LRRC15: variants seen among roughly 807,000 people sequenced by gnomAD.
The protein encoded by LRRC15 is leucine rich repeat containing 15.
A neutral mutation model predicts 4.3 loss-of-function variants in LRRC15; 5 were observed. The observed-to-expected ratio is 1.16, with a 90% CI of 0.61 to 2.44. LRRC15 has a LOEUF of 2.44. Ranked by LOEUF, LRRC15 falls within the 30% of genes most tolerant of loss-of-function variation. The pLI, the probability that LRRC15 is intolerant of heterozygous loss-of-function variation, is 0.01. For synonymous variants in LRRC15, 337 were observed against 323.2 expected (o/e 1.04, Z -0.46); for missense variants, 769 against 747.0 (o/e 1.03, Z -0.34).
chr3:194,367,587 T>G (rs1297879239), intron 1 of LRRC15, among the ~76,000 whole-genome samples: 4 of 152,206 alleles, frequency 2.6e-5, no homozygotes, highest in African/African-American at 9.6e-5. Context: ...ATTACAGGCG[T>G]GAGCCACCGC....
In LRRC15 at chr3:194,356,460, A is replaced by T. The variant is rs1398601413; in HGVS notation, c.*2838T>A. On this transcript the variant is annotated 3_prime_UTR_variant, in exon 2 of 2. Coordinates refer to ENST00000347624, the MANE Select transcript of LRRC15 (RefSeq NM_130830.5). ...CAAATGCATCATCCTGTTGGAAAGG[A>T]GACTCCACTCAGCTTTTCTAGTAGC... The T allele has an allele frequency of 6.6e-6, 1 of 152,208 alleles. No individual in the cohort carries two copies. The highest frequency in any genetic ancestry group is 1.9e-4 in the East Asian group (1 of 5,202). The allele number at this position is 152,208 out of a possible 1,614,324, so 9.4% of individuals were successfully genotyped here.
chr3:194,368,900 C>T (rs1469844235), intron 1 of LRRC15, among the ~76,000 whole-genome samples: 1 of 152,208 alleles, frequency 6.6e-6, no homozygotes, highest in Non-Finnish European at 1.5e-5. Flanking sequence ...CCACATACCA[C>T]CTCATCACAA....
intron 1 of LRRC15, among the ~76,000 whole-genome samples, chr3:194,366,174 C>T (rs904953942): frequency 6.6e-6 from 1 of 152,234 alleles, no homozygotes; most frequent in South Asian, 2.1e-4. Context: ...CTCGGGCCTC[C>T]GTGCCTCCAG....
chr3:194,361,501 GT>G, intron 1 of LRRC15, among the ~76,000 whole-genome samples: 1 of 152,170 alleles, frequency 6.6e-6, no homozygotes, highest in Non-Finnish European at 1.5e-5. Flanking sequence ...CATCCCTACA[GT>G]TTCCTTAGGG....
intron 1 of LRRC15, among the ~76,000 whole-genome samples, chr3:194,364,949 G>A (rs1235038855): frequency 6.6e-6 from 1 of 152,260 alleles, no homozygotes; most frequent in Non-Finnish European, 1.5e-5. Flanking sequence ...TGGGCCCTTG[G>A]ATTCTCAGCA....
Position 194,357,471 on chromosome 3 carries a change from C to A in LRRC15, c.*1827G>T, listed in dbSNP as rs943598698. 1 of 152,222 alleles carries A rather than the reference C, an allele frequency of 6.6e-6. No homozygotes were observed. The highest frequency in any genetic ancestry group is 1.5e-5 in the Non-Finnish European group (1 of 68,046). 9.4% of individuals were successfully genotyped at this position (152,222 alleles called of 1,614,324 possible). On this transcript the variant is annotated 3_prime_UTR_variant, in exon 2 of 2. Coordinates refer to ENST00000347624, the MANE Select transcript of LRRC15 (RefSeq NM_130830.5). ...GCAGACGTGGAGACCTGAAATTCTC[C>A]ATTTCACTGTAAACTGGGCCAGTTG...
Position 194,360,573 on chromosome 3 carries a change from G to C in LRRC15, c.471C>G (p.His157Gln). ...CAGGGATGTATTCCAGGTGGTTGCCGTGCAACTGCAGCTCCTTGAGGTTGC... is the reference window on the plus strand; with the variant it reads ...CAGGGATGTATTCCAGGTGGTTGCCCTGCAACTGCAGCTCCTTGAGGTTGC... ...QCSNLKELQLHGNHLEYIPDG... is the reference protein window; with the variant it reads ...QCSNLKELQLQGNHLEYIPDG... Residue 157 changes from histidine to glutamine, a missense_variant, in exon 2 of 2, where the codon CAC (histidine) becomes CAG (glutamine). His to Gln is a conservative substitution (Grantham distance 24, BLOSUM62 0). Coordinates refer to ENST00000347624, the MANE Select transcript of LRRC15 (RefSeq NM_130830.5). The C allele has an allele frequency of 6.2e-7, 1 of 1,614,170 alleles. No individual in the cohort carries two copies. The highest frequency in any genetic ancestry group is 8.5e-7 in the Non-Finnish European group (1 of 1,180,038).
chr3:194,360,199 T>G lies in LRRC15; in HGVS notation c.845A>C (p.Lys282Thr), dbSNP rs769083895. 1 of 1,613,814 alleles carries G rather than the reference T, an allele frequency of 6.2e-7. No individual in the cohort carries two copies. The highest frequency in any genetic ancestry group is 1.1e-5 in the South Asian group (1 of 91,064). Residue 282 changes from lysine to threonine, a missense_variant, in exon 2 of 2, where the codon AAG becomes ACG. By Grantham distance (78) the Lys-to-Thr change is moderately conservative. Transcript: ENST00000347624. ...CCCGAAGATCCCCGGAGAGAGCTCC[T>G]TCAGGGAATTCCCAAAGAGAGTAAG... Reference protein sequence around the residue: ...NRLTLFGNSLKELSPGIFGPM... With the variant: ...NRLTLFGNSLTELSPGIFGPM...
At chr3:194,363,624 G>T (rs1313889905) in intron 1 of LRRC15, among the ~76,000 whole-genome samples, 1 of 146,086 alleles carries the variant, frequency 6.8e-6, no homozygotes, top group African/African-American at 2.7e-5. Context: ...AGTATCACAT[G>T]TGGAAAAAAG....
At chr3:194,362,179 T>C (rs565403109) in intron 1 of LRRC15, among the ~76,000 whole-genome samples, 4 of 151,490 alleles carry the variant, frequency 2.6e-5, no homozygotes, top group Non-Finnish European at 5.9e-5. Flanking sequence ...ATATGGGACA[T>C]AGGTGCTGGT....
At position 194,356,640 on chromosome 3, in the gene LRRC15, T is replaced by C. The variant is rs3796151; in HGVS notation, c.*2658A>G. On this transcript the variant is annotated 3_prime_UTR_variant, in exon 2 of 2. Transcript: ENST00000347624. ...CCTCACCTAGGGTGCTCCTGGGTGG[T>C]GTCATCTGAGGACAGTGGCCCTCAG... The C allele has an allele frequency of 0.12, 17,965 of 152,284 alleles. 1,251 individuals are homozygous for C. The highest frequency in any genetic ancestry group is 0.17 in the African/African-American group (7,244 of 41,508). 9.4% of individuals were successfully genotyped at this position (152,284 alleles called of 1,614,324 possible). A position where few individuals can be genotyped will look rare whatever the true frequency, so the allele number is the denominator to read the frequency against.
Position 194,360,174 on chromosome 3 carries a change from CCCGAAGAT to C in LRRC15, c.862_869del (p.Ile288AlafsTer12), listed in dbSNP as rs1713569885. The C allele has an allele frequency of 1.2e-6, 2 of 1,613,670 alleles. No individual in the cohort carries two copies. Among genetic ancestry groups the C allele is most frequent in the Non-Finnish European group, 1.7e-6 (2 of 1,179,762 alleles). ...AAAGCTCCCGCAGGTTGGGCATGGG[CCCGAAGAT>C]CCCCGGAGAGAGCTCCTTCAGGGAA... On this transcript the variant is annotated frameshift_variant, in exon 2 of 2. Coordinates refer to ENST00000347624, the MANE Select transcript of LRRC15 (RefSeq NM_130830.5). LOFTEE classifies it low-confidence loss of function (END_TRUNC).
In LRRC15 at chr3:194,358,453, A is replaced by G. The variant is rs569923350; in HGVS notation, c.*845T>C. ...ATTTCTTTCTCTATCCCGTATTAAT[A>G]AGCTGATTTTAATGTTTTTAGAAGT... On this transcript the variant is annotated 3_prime_UTR_variant, in exon 2 of 2. Coordinates refer to ENST00000347624, the MANE Select transcript of LRRC15 (RefSeq NM_130830.5). 1.3e-5 allele frequency: 2 copies of G among 152,344 alleles called. No individual in the cohort carries two copies. Among genetic ancestry groups the G allele is most frequent in the Non-Finnish European group, 2.9e-5 (2 of 68,030 alleles). 9.4% of individuals were successfully genotyped at this position (152,344 alleles called of 1,614,324 possible).
At position 194,359,790 on chromosome 3, in the gene LRRC15, C is replaced by T. The variant is rs780612355; in HGVS notation, c.1254G>A (p.Leu418=). The T allele has an allele frequency of 3.1e-6, 5 of 1,614,144 alleles. No individual in the cohort carries two copies. The highest frequency in any genetic ancestry group is 3.4e-6 in the Non-Finnish European group (4 of 1,180,020). ...IFDHLGKLCE[L]RLYDNPWRCD... is the part of the protein sequence containing the mutation. Reference sequence around the variant, plus strand: ...ACCTCCAGGGATTGTCATACAGCCGCAGCTCACACAGTTTCCCCAGGTGAT... The same window carrying T: ...ACCTCCAGGGATTGTCATACAGCCGTAGCTCACACAGTTTCCCCAGGTGAT... The change falls in exon 2 of 2, where the codon CTG becomes CTA. Residue 418 remains leucine, a synonymous_variant. Transcript: ENST00000347624.
chr3:194,357,133 G>C lies in LRRC15; in HGVS notation c.*2165C>G, dbSNP rs1713450800. The C allele has an allele frequency of 6.6e-6, 1 of 152,284 alleles. No individual in the cohort carries two copies. Among genetic ancestry groups the C allele is most frequent in the Admixed American group, 6.5e-5 (1 of 15,282 alleles). 9.4% of individuals were successfully genotyped at this position (152,284 alleles called of 1,614,324 possible). A position where few individuals can be genotyped will look rare whatever the true frequency, so the allele number is the denominator to read the frequency against. On this transcript the variant is annotated 3_prime_UTR_variant, in exon 2 of 2. Transcript: ENST00000347624. ...GTGAAAAGCTACAAAGTGCACTAGT[G>C]TTTGCAAACAGCCCTCTGGACACTT...
At chr3:194,368,512 C>A (rs754257391) in intron 1 of LRRC15, among the ~76,000 whole-genome samples, 5 of 152,172 alleles carry the variant, frequency 3.3e-5, no homozygotes, top group Non-Finnish European at 7.3e-5. Flanking sequence ...CCTGAATTTA[C>A]TCCAGATGTT....
At position 194,357,602 on chromosome 3, in the gene LRRC15, CGAG is replaced by C. The variant is rs772996329; in HGVS notation, c.*1693_*1695del. On this transcript the variant is annotated 3_prime_UTR_variant, in exon 2 of 2. Coordinates refer to ENST00000347624, the MANE Select transcript of LRRC15 (RefSeq NM_130830.5). The stretch of plus-strand genomic sequence containing the variant: ...GGCAGGTATTCGTGTGACTGTGACT[CGAG>C]GAGGAGAATAACCCTGGAGCAAACA... The C allele has an allele frequency of 3.9e-5, 6 of 152,258 alleles. No homozygotes were observed. Among genetic ancestry groups the C allele is most frequent in the African/African-American group, 1.4e-4 (6 of 41,536 alleles). 9.4% of individuals were successfully genotyped at this position (152,258 alleles called of 1,614,324 possible). A position where few individuals can be genotyped will look rare whatever the true frequency, so the allele number is the denominator to read the frequency against.
At chr3:194,367,623 C>T (rs1283854038) in intron 1 of LRRC15, among the ~76,000 whole-genome samples, 2 of 152,200 alleles carry the variant, frequency 1.3e-5, no homozygotes, top group Non-Finnish European at 2.9e-5. Context: ...GGATTTGAAA[C>T]TGGGACAGCT....
rs1382928942 is a variant in LRRC15 at position 194,361,057 on chromosome 3, G to T, written c.-3-11C>A. 2.0e-6 allele frequency: 3 copies of T among 1,495,676 alleles called. No homozygotes were observed. Among genetic ancestry groups the T allele is most frequent in the Non-Finnish European group, 2.7e-6 (3 of 1,129,472 alleles). 92.7% of individuals were successfully genotyped at this position (1,495,676 alleles called of 1,614,324 possible). A position where few individuals can be genotyped will look rare whatever the true frequency, so the allele number is the denominator to read the frequency against. The stretch of plus-strand genomic sequence containing the variant: ...CTTCAGTGGCATAGCCTGTGCAAGG[G>T]GAGAGAGCACACGTTAGTCAGGGTC... On this transcript the variant is annotated splice_polypyrimidine_tract_variant and intron_variant, in intron 1 of 1. Transcript: ENST00000347624.
Sources: gnomAD v4.1 joint callset for allele counts (sites outside exome capture counted in the v4.1 genomes callset) on GRCh38, gnomAD v4.1.1 for gene constraint, MANE v1.5 for transcripts, NCBI Gene and HGNC (gene_info 2026-07-23, HGNC 2026-07-21) for gene names.